Variants in CCDC71 observed in about 807,000 individuals in gnomAD.
The protein encoded by CCDC71 is coiled-coil domain containing 71, also known as coiled-coil domain-containing protein 71.
For missense variants in CCDC71, 594 were observed against 604.0 expected (o/e 0.98, Z 0.17); for synonymous variants, 257 against 242.2 (o/e 1.06, Z -0.57).
In CCDC71 at chr3:49,163,278, C is replaced by G. The variant is rs1306820416; in HGVS notation, c.931G>C (p.Ala311Pro). ...TTGACCTGTGCTGCCTTGGCCTTGGCCCGGGCCTTAGCAGCCTTGGCCTGT... is the reference window on the plus strand; with the variant it reads ...TTGACCTGTGCTGCCTTGGCCTTGGGCCGGGCCTTAGCAGCCTTGGCCTGT... Reference protein sequence around the residue: ...RTQAKAAKARAKAKAAQVKAK... With the variant: ...RTQAKAAKARPKAKAAQVKAK... The change falls in exon 2 of 2, where the codon GCC becomes CCC. Residue 311 changes from alanine (A) to proline (P), a missense_variant. By Grantham distance (27) the Ala-to-Pro change is conservative. Coordinates refer to ENST00000321895, the MANE Select transcript of CCDC71 (RefSeq NM_022903.4). The G allele has an allele frequency of 6.3e-7, 1 of 1,590,188 alleles. No individual in the cohort carries two copies.
chr3:49,163,101 C>T lies in CCDC71; in HGVS notation c.1108G>A (p.Ala370Thr). Residue 370 changes from alanine (A) to threonine (T), a missense_variant, in exon 2 of 2, where the codon GCT (alanine) becomes ACT (threonine). Ala to Thr is a moderately conservative substitution (Grantham distance 58). Coordinates refer to ENST00000321895, the MANE Select transcript of CCDC71 (RefSeq NM_022903.4). ...PRGRGRPKGS[A>T]KARTTRKGQK... ...CCCTTCCTTGTAGTTCTGGCCTTAGCAGATCCCTTTGGCCTGCCTCTGCCC... is the reference window on the plus strand; with the variant it reads ...CCCTTCCTTGTAGTTCTGGCCTTAGTAGATCCCTTTGGCCTGCCTCTGCCC... 2 of 1,614,262 alleles carry T rather than the reference C, an allele frequency of 1.2e-6. No homozygotes were observed. Among genetic ancestry groups the T allele is most frequent in the Non-Finnish European group, 1.7e-6 (2 of 1,180,052 alleles).
At position 49,163,340 on chromosome 3, in the gene CCDC71, G is replaced by C; in HGVS notation, c.869C>G (p.Ala290Gly). 6.2e-7 allele frequency: 1 copy of C among 1,613,828 alleles called. No individual in the cohort carries two copies. The highest frequency in any genetic ancestry group is 8.5e-7 in the Non-Finnish European group (1 of 1,180,012). Residue 290 changes from alanine to glycine, a missense_variant, in exon 2 of 2, where the codon GCC becomes GGC. Coordinates refer to ENST00000321895, the MANE Select transcript of CCDC71 (RefSeq NM_022903.4). ...TAQAKVARTLAKAARAQAKVA... is the reference protein window; with the variant it reads ...TAQAKVARTLGKAARAQAKVA... ...CTTGGCTTGGGCACGAGCAGCTTTG[G>C]CCAGTGTTCGAGCTACCTTGGCCTG...
Position 49,162,968 on chromosome 3 carries a change from G to A in CCDC71, c.1241C>T (p.Ala414Val). ...RTRLGPRSPK[A>V]WLGPGTAKLL... Reference sequence around the variant, plus strand: ...CTTTGCTGTTCCAGGCCCTAGCCATGCCTTAGGAGATCGGGGCCCAAGCCG... The same window carrying A: ...CTTTGCTGTTCCAGGCCCTAGCCATACCTTAGGAGATCGGGGCCCAAGCCG... The change falls in exon 2 of 2, where the codon GCA (alanine) becomes GTA (valine). Residue 414 changes from alanine to valine, a missense_variant. Transcript: ENST00000321895. 1 of 1,614,276 alleles carries A rather than the reference G, an allele frequency of 6.2e-7. No individual in the cohort carries two copies. The highest frequency in any genetic ancestry group is 8.5e-7 in the Non-Finnish European group (1 of 1,180,044).
Position 49,162,679 on chromosome 3 carries a change from G to A in CCDC71, c.*126C>T. 1.3e-6 allele frequency: 1 copy of A among 769,936 alleles called. No individual in the cohort carries two copies. The highest frequency in any genetic ancestry group is 1.9e-6 in the Non-Finnish European group (1 of 533,040). The allele number at this position is 769,936 out of a possible 1,614,324, so 47.7% of individuals were successfully genotyped here. A position where few individuals can be genotyped will look rare whatever the true frequency, so the allele number is the denominator to read the frequency against. ...TCTGGTTTCTGAAAGGAGGCTGGTG[G>A]TCACCAGGGCCCTAGAGAGGCACCG... On this transcript the variant is annotated 3_prime_UTR_variant, in exon 2 of 2. Coordinates refer to ENST00000321895, the MANE Select transcript of CCDC71 (RefSeq NM_022903.4).
Position 49,163,495 on chromosome 3 carries a change from A to G in CCDC71, c.714T>C (p.Cys238=). The G allele has an allele frequency of 5.6e-6, 9 of 1,614,172 alleles. No homozygotes were observed. The highest frequency in any genetic ancestry group is 1.1e-5 in the South Asian group (1 of 91,078). The change falls in exon 2 of 2, where the codon TGT becomes TGC. Residue 238 remains cysteine (C), a synonymous_variant. Coordinates refer to ENST00000321895, the MANE Select transcript of CCDC71 (RefSeq NM_022903.4). The part of the protein sequence containing the change: ...PRKTTSKGPK[C]LTRKGPGAGP... ...CAGCCCCAGGGCCTTTGCGAGTCAGACACTTGGGGCCCTTGCTTGTGGTTT... is the reference window on the plus strand; with the variant it reads ...CAGCCCCAGGGCCTTTGCGAGTCAGGCACTTGGGGCCCTTGCTTGTGGTTT...
intron 1 of CCDC71, among the ~76,000 whole-genome samples, chr3:49,165,278 TCCTA>T (rs1275195342): frequency 1.3e-5 from 2 of 152,166 alleles, no homozygotes; most frequent in Non-Finnish European, 2.9e-5. Context: ...GTATGCACTG[TCCTA>T]CCTAAGACTT....
chr3:49,164,063 A>G lies in CCDC71; in HGVS notation c.146T>C (p.Val49Ala). 6.2e-7 allele frequency: 1 copy of G among 1,614,162 alleles called. No individual in the cohort carries two copies. The highest frequency in any genetic ancestry group is 8.5e-7 in the Non-Finnish European group (1 of 1,180,034). The change falls in exon 2 of 2, where the codon GTG (valine) becomes GCG (alanine). Residue 49 changes from valine (V) to alanine (A), a missense_variant. Coordinates refer to ENST00000321895, the MANE Select transcript of CCDC71 (RefSeq NM_022903.4). ...QDLSATEAQLVAFLQGLRDDG... is the reference protein window; with the variant it reads ...QDLSATEAQLAAFLQGLRDDG... ...ATCTCGCAGGCCCTGCAGGAAGGCCACAAGCTGGGCCTCTGTGGCACTGAG... is the reference window on the plus strand; with the variant it reads ...ATCTCGCAGGCCCTGCAGGAAGGCCGCAAGCTGGGCCTCTGTGGCACTGAG...
At position 49,162,966 on chromosome 3, in the gene CCDC71, A is replaced by G; in HGVS notation, c.1243T>C (p.Trp415Arg). 1 of 1,614,254 alleles carries G rather than the reference A, an allele frequency of 6.2e-7. No individual in the cohort carries two copies. Among genetic ancestry groups the G allele is most frequent in the Non-Finnish European group, 8.5e-7 (1 of 1,180,038 alleles). ...AGCTTTGCTGTTCCAGGCCCTAGCC[A>G]TGCCTTAGGAGATCGGGGCCCAAGC... ...TRLGPRSPKAWLGPGTAKLLK... is the reference protein window; with the variant it reads ...TRLGPRSPKARLGPGTAKLLK... Residue 415 changes from tryptophan (W) to arginine (R), a missense_variant, in exon 2 of 2, where the codon TGG (tryptophan) becomes CGG (arginine). Trp to Arg is a moderately radical substitution (Grantham distance 101, BLOSUM62 -3). Coordinates refer to ENST00000321895, the MANE Select transcript of CCDC71 (RefSeq NM_022903.4).
rs1187167060 is a variant in CCDC71, at chr3:49,163,071, T to C, written c.1138A>G (p.Lys380Glu). ...AKARTTRKGQKNRPETVGQKR... is the reference protein window; with the variant it reads ...AKARTTRKGQENRPETVGQKR... ...TGCCCAACAGTCTCAGGGCGGTTTT[T>C]CTGGCCCTTCCTTGTAGTTCTGGCC... Residue 380 changes from lysine to glutamate, a missense_variant, in exon 2 of 2, where the codon AAA becomes GAA. Lys to Glu is a moderately conservative substitution (Grantham distance 56). Transcript: ENST00000321895. The C allele has an allele frequency of 6.8e-6, 11 of 1,614,266 alleles. No individual in the cohort carries two copies. Among genetic ancestry groups the C allele is most frequent in the Non-Finnish European group, 9.3e-6 (11 of 1,180,044 alleles).
rs145326060 is a variant in CCDC71 at position 49,163,175 on chromosome 3, T to C, written c.1034A>G (p.Lys345Arg). 5 of 1,578,880 alleles carry C rather than the reference T, an allele frequency of 3.2e-6. No individual in the cohort carries two copies. In the African/African-American group the frequency reaches 6.7e-5, roughly 21 times the overall value. ...VMAAWAKAKAKAKAVRAKAKV... is the reference protein window; with the variant it reads ...VMAAWAKAKARAKAVRAKAKV... ...GGCCTTGGCCCGTACTGCCTTGGCT[T>C]TAGCCTTGGCCTTGGCCCATGCTGC... is the stretch of plus-strand genomic sequence containing the variant. Residue 345 changes from lysine (K) to arginine (R), a missense_variant, in exon 2 of 2, where the codon AAA becomes AGA. Lys to Arg is a conservative substitution (Grantham distance 26). Coordinates refer to ENST00000321895, the MANE Select transcript of CCDC71 (RefSeq NM_022903.4).
rs754328020 is a variant in CCDC71 at position 49,162,802 on chromosome 3, G to A, written c.*3C>T. 2 of 1,612,250 alleles carry A rather than the reference G, an allele frequency of 1.2e-6. No homozygotes were observed. The highest frequency in any genetic ancestry group is 2.2e-5 in the South Asian group (2 of 90,876). The stretch of plus-strand genomic sequence containing the variant: ...TTTCCCCAAACATTGCCGTGTGAAG[G>A]AATCAGACTGCTGAATATGGCAGCA... On this transcript the variant is annotated 3_prime_UTR_variant, in exon 2 of 2. Coordinates refer to ENST00000321895, the MANE Select transcript of CCDC71 (RefSeq NM_022903.4).
rs918183468 is a variant in CCDC71 at position 49,162,888 on chromosome 3, G to C, written c.1321C>G (p.Arg441Gly). ...CGGAGGATCCGCTGAGCCCGCTGCC[G>C]CACCTCATCATCCGAGGACCGCCTA... ...VDRRSSDDEV[R>G]QRAQRILRVN... The change falls in exon 2 of 2, where the codon CGG (arginine) becomes GGG (glycine). Residue 441 changes from arginine to glycine, a missense_variant. Coordinates refer to ENST00000321895, the MANE Select transcript of CCDC71 (RefSeq NM_022903.4). 1 of 1,614,200 alleles carries C rather than the reference G, an allele frequency of 6.2e-7. No individual in the cohort carries two copies. The highest frequency in any genetic ancestry group is 1.1e-5 in the South Asian group (1 of 91,082).
intron 1 of CCDC71, among the ~76,000 whole-genome samples, chr3:49,165,888 T>C (rs2045720773): frequency 6.6e-6 from 1 of 152,142 alleles, no homozygotes; most frequent in African/African-American, 2.4e-5. Context: ...CTGCCCGGCC[T>C]CCGACTTCCC....
intron 1 of CCDC71, among the ~76,000 whole-genome samples, chr3:49,165,849 C>T (rs2045720540): frequency 6.6e-6 from 1 of 152,252 alleles, no homozygotes; most frequent in Admixed American, 6.5e-5. Flanking sequence ...GTTTTCTGGG[C>T]TTTCGAGAAG....
Position 49,164,267 on chromosome 3 carries a change from G to A in CCDC71, c.-52-7C>T. 6.5e-7 allele frequency: 1 copy of A among 1,532,310 alleles called. No homozygotes were observed. Among genetic ancestry groups the A allele is most frequent in the East Asian group, 2.3e-5 (1 of 44,174 alleles). 94.9% of individuals were successfully genotyped at this position (1,532,310 alleles called of 1,614,324 possible). On this transcript the variant is annotated splice_polypyrimidine_tract_variant and splice_region_variant and intron_variant, in intron 1 of 1. Coordinates refer to ENST00000321895, the MANE Select transcript of CCDC71 (RefSeq NM_022903.4). ...GCAAACCAGCGCTTGGCACCTCCAA[G>A]ACAAGAGGAAAAGAGTCAATAAGAA...
intron 1 of CCDC71, among the ~76,000 whole-genome samples, chr3:49,165,769 C>G (rs1334105061): frequency 6.6e-6 from 1 of 152,274 alleles, no homozygotes; most frequent in East Asian, 1.9e-4. Context: ...CCCTCACACG[C>G]GCCCCAGCGC....
chr3:49,164,167 G>T lies in CCDC71; in HGVS notation c.42C>A (p.His14Gln). 6.2e-7 allele frequency: 1 copy of T among 1,612,408 alleles called. No homozygotes were observed. The highest frequency in any genetic ancestry group is 1.3e-5 in the African/African-American group (1 of 75,000). Residue 14 changes from histidine to glutamine, a missense_variant, in exon 2 of 2, where the codon CAC becomes CAA. His to Gln is a conservative substitution (Grantham distance 24, BLOSUM62 0). Transcript: ENST00000321895. ...CTGCCGTGGAGATGCGCGACCAGGAGTGCACAGCTTTTTCCTCCACATGCT... is the reference window on the plus strand; with the variant it reads ...CTGCCGTGGAGATGCGCGACCAGGATTGCACAGCTTTTTCCTCCACATGCT... ...VVQHVEEKAV[H>Q]SWSRISTAGK...
Position 49,163,452 on chromosome 3 carries a change from C to T in CCDC71, c.757G>A (p.Gly253Arg). 1 of 1,614,266 alleles carries T rather than the reference C, an allele frequency of 6.2e-7. No homozygotes were observed. The change falls in exon 2 of 2, where the codon GGG becomes AGG. Residue 253 changes from glycine to arginine, a missense_variant. Transcript: ENST00000321895. ...GPGAGPRRGS[G>R]HQSKTNRATG... ...GCTCTGTTGGTTTTGCTCTGGTGCC[C>T]AGAGCCTCGTCGGGGTCCAGCCCCA...
rs1560085956 is a variant in CCDC71, at chr3:49,163,498, C to T, written c.711G>A (p.Lys237=). Residue 237 remains lysine, a synonymous_variant, in exon 2 of 2, where the codon AAG becomes AAA. Transcript: ENST00000321895. ...APRKTTSKGP[K]CLTRKGPGAG... ...CCCCAGGGCCTTTGCGAGTCAGACA[C>T]TTGGGGCCCTTGCTTGTGGTTTTTC... 1 of 1,614,234 alleles carries T rather than the reference C, an allele frequency of 6.2e-7. No individual in the cohort carries two copies. Among genetic ancestry groups the T allele is most frequent in the Non-Finnish European group, 8.5e-7 (1 of 1,180,038 alleles).
Sources: allele counts gnomAD v4.1 joint callset (sites outside exome capture counted in the v4.1 genomes callset), GRCh38; gene constraint gnomAD v4.1.1; transcripts MANE v1.5; gene names NCBI Gene and HGNC (gene_info 2026-07-23, HGNC 2026-07-21).